The following SEZ6L2 variants were observed in gnomAD, a reference collection of about 807,000 sequenced individuals.
The protein encoded by SEZ6L2 is seizure related 6 homolog like 2.
In SEZ6L2, 44 loss-of-function variants were observed where a neutral mutation model predicts 97.0. The observed-to-expected ratio is 0.45, with a 90% CI of 0.36 to 0.58. The LOEUF (loss-of-function observed/expected upper bound fraction) is 0.58. Ranked by LOEUF, SEZ6L2 falls within the 20% of genes least tolerant of loss-of-function variation. SEZ6L2 has a pLI of 0.00. For synonymous variants in SEZ6L2, 543 were observed against 546.1 expected (o/e 0.99, Z 0.08); for missense variants, 1,086 against 1,233.3 (o/e 0.88, Z 1.79).
Position 29,895,810 on chromosome 16 carries a change from C to G in SEZ6L2, c.562G>C (p.Asp188His). 1 of 1,614,102 alleles carries G rather than the reference C, an allele frequency of 6.2e-7. No homozygotes were observed. The highest frequency in any genetic ancestry group is 8.5e-7 in the Non-Finnish European group (1 of 1,179,960). Reference sequence around the variant, plus strand: ...GTGCGGCTGACGGGGCTCCCCAGATCTGGAGACTCCACATACCCTTCGCCC... The same window carrying G: ...GTGCGGCTGACGGGGCTCCCCAGATGTGGAGACTCCACATACCCTTCGCCC... ...SEGEGYVESP[D>H]LGSPVSRTLG... The change falls in exon 4 of 18, where the codon GAT becomes CAT. Residue 188 changes from aspartate (D) to histidine (H), a missense_variant. Around this residue, in one of 2 missense-constraint regions of SEZ6L2, gnomAD observed 776 missense variants for 794.7 expected, o/e 0.98. Coordinates refer to ENST00000617533, the MANE Select transcript of SEZ6L2 (RefSeq NM_001243332.2).
At chr16:29,892,793 G>A (rs1175196297) in intron 5 of SEZ6L2, among the ~76,000 whole-genome samples, 2 of 152,244 alleles carry the variant, frequency 1.3e-5, no homozygotes, top group Admixed American at 6.5e-5. Context: ...AGACAGTGGG[G>A]TCTGGAACAG....
chr16:29,891,877 C>T (rs1296358436), intron 5 of SEZ6L2, among the ~76,000 whole-genome samples: 5 of 152,266 alleles, frequency 3.3e-5, no homozygotes, highest in Admixed American at 1.3e-4. Context: ...AAAAGAAACA[C>T]GCAAAGCACC....
chr16:29,894,823 C>A (rs760247463), intron 5 of SEZ6L2, among the ~76,000 whole-genome samples: 8 of 152,074 alleles, frequency 5.3e-5, no homozygotes, highest in Non-Finnish European at 1.0e-4. Flanking sequence ...CCCTGCCCCC[C>A]AGGGTCGCAG....
chr16:29,894,163 G>A (rs1171490390), intron 5 of SEZ6L2, among the ~76,000 whole-genome samples: 1 of 152,162 alleles, frequency 6.6e-6, no homozygotes, highest in Non-Finnish European at 1.5e-5. Flanking sequence ...GAGCCACCAC[G>A]CCAGGCCACA....
At position 29,897,960 on chromosome 16, in the gene SEZ6L2, A is replaced by G; in HGVS notation, c.104T>C (p.Ile35Thr). 1.2e-6 allele frequency: 2 copies of G among 1,613,352 alleles called. No individual in the cohort carries two copies. Among genetic ancestry groups the G allele is most frequent in the South Asian group, 2.2e-5 (2 of 90,984 alleles). Reference sequence around the variant, plus strand: ...GGTCTCACTTCCAGGCTCTGGCAATATCTCCTCCTCCTTCAGGGGCAGACC... The same window carrying G: ...GGTCTCACTTCCAGGCTCTGGCAATGTCTCCTCCTCCTTCAGGGGCAGACC... ...IQGLPLKEEE[I>T]LPEPGSETPT... Residue 35 changes from isoleucine to threonine, a missense_variant, in exon 2 of 18, where the codon ATA (isoleucine) becomes ACA (threonine). By Grantham distance (89) the Ile-to-Thr change is moderately conservative. Transcript: ENST00000617533.
intron 6 of SEZ6L2, 22 bp from the exon 7 acceptor site, chr16:29,887,839 G>T: frequency 6.2e-7 from 1 of 1,612,264 alleles, no homozygotes; most frequent in Non-Finnish European, 8.5e-7. Flanking sequence ...GGAGGGGTAC[G>T]TTAAGGCCAG....
At position 29,873,359 on chromosome 16, in the gene SEZ6L2, T is replaced by G; in HGVS notation, c.2369A>C (p.Gln790Pro). 1 of 1,614,232 alleles carries G rather than the reference T, an allele frequency of 6.2e-7. No homozygotes were observed. The highest frequency in any genetic ancestry group is 8.5e-7 in the Non-Finnish European group (1 of 1,180,036). ...GAAGAAGCGCAGAGACTCGCCCGCC[T>G]GGTAGTGGTGCTTGTACAGCGTCTG... Reference protein sequence around the residue: ...GYQTLYKHHYQAGESLRFFCY... With the variant: ...GYQTLYKHHYPAGESLRFFCY... Residue 790 changes from glutamine to proline, a missense_variant, in exon 14 of 18, where the codon CAG (glutamine) becomes CCG (proline). This residue lies in a region of SEZ6L2 where 310 missense variants were observed against 438.6 expected (regional missense o/e 0.71). Coordinates refer to ENST00000617533, the MANE Select transcript of SEZ6L2 (RefSeq NM_001243332.2). The surrounding 1 kb of genome is among the most constrained non-coding windows in gnomAD (Gnocchi z 4.3).
rs1312964706 is a variant in SEZ6L2 at position 29,875,814 on chromosome 16, C to A, written c.2104+942G>T. Among the ~76,000 whole-genome samples, 4 of 151,986 alleles carry A rather than the reference C, an allele frequency of 2.6e-5. 1 individual carries two copies. In the South Asian group the frequency reaches 6.2e-4, roughly 24 times the overall value. On this transcript the variant is annotated intron_variant, in intron 12 of 17. Transcript: ENST00000617533. ...AGTATCTGGGATTACAGGCGTATGC[C>A]ACCATGCCCAGATAGTTTTTTATTT...
chr16:29,883,991 C>A (rs2068079820), intron 8 of SEZ6L2, among the ~76,000 whole-genome samples: 1 of 152,064 alleles, frequency 6.6e-6, no homozygotes, highest in South Asian at 2.1e-4. Context: ...TGAAATGCCT[C>A]TTCCTCCATG....
chr16:29,872,329 T>G (rs759694434), intron 16 of SEZ6L2, 46 bp from the exon 17 acceptor site: 6 of 1,599,766 alleles, frequency 3.8e-6, no homozygotes, highest in African/African-American at 1.3e-5. Flanking sequence ...GGTAAGCCCC[T>G]GAGCTCCCCT....
At chr16:29,884,141 G>A (rs1407676141) in intron 8 of SEZ6L2, among the ~76,000 whole-genome samples, 2 of 152,106 alleles carry the variant, frequency 1.3e-5, no homozygotes, top group Non-Finnish European at 1.5e-5. Flanking sequence ...GGCCACGTGA[G>A]GCAGATTAGC....
chr16:29,887,555 G>T (rs143331761), intron 7 of SEZ6L2, 94 bp downstream of exon 7: 5 of 1,212,776 alleles, frequency 4.1e-6, no homozygotes, highest in Non-Finnish European at 5.7e-6. Context: ...CTTGTGATCC[G>T]CCTGCTTCGG....
chr16:29,878,389 A>T lies in SEZ6L2; in HGVS notation c.1610T>A (p.Val537Glu). Residue 537 changes from valine to glutamate, a missense_variant, in exon 10 of 18, where the codon GTG becomes GAG. Val to Glu is a moderately radical substitution (Grantham distance 121, BLOSUM62 -2). This residue lies in a region of SEZ6L2 where 776 missense variants were observed against 794.7 expected (regional missense o/e 0.98). Transcript: ENST00000617533. ...CTGGGGCCAGTCGGGAGAGAGGACC[A>T]CGCCAGCTGGTTCCGACAGCTCCCC... ...CGGELSEPAG[V>E]VLSPDWPQSY... 1 of 1,607,086 alleles carries T rather than the reference A, an allele frequency of 6.2e-7. No individual in the cohort carries two copies. The highest frequency in any genetic ancestry group is 8.5e-7 in the Non-Finnish European group (1 of 1,175,930).
intron 8 of SEZ6L2, among the ~76,000 whole-genome samples, chr16:29,884,883 AGCCTGG>A (rs1379597188): frequency 6.6e-6 from 1 of 151,430 alleles, no homozygotes; most frequent in Non-Finnish European, 1.5e-5. Flanking sequence ...ATTGCACCCC[AGCCTGG>A]GCAACAAGAG....
Position 29,899,010 on chromosome 16 carries a change from G to T in SEZ6L2, c.10C>A (p.Pro4Thr), listed in dbSNP as rs1472484271. The change falls in exon 1 of 18, where the codon CCC becomes ACC. Residue 4 changes from proline to threonine, a missense_variant. Pro to Thr is a conservative substitution (Grantham distance 38, BLOSUM62 -1). This residue lies in a region of SEZ6L2 where 776 missense variants were observed against 794.7 expected (regional missense o/e 0.98). Transcript: ENST00000617533. MGT[P>T]RAQHPPPPQL... ...GGAGGCGGCGGGTGCTGGGCCCTGG[G>T]AGTCCCCATGGCGACTCACCCCGAT... 2.5e-6 allele frequency: 4 copies of T among 1,609,956 alleles called. No individual in the cohort carries two copies. The highest frequency in any genetic ancestry group is 1.7e-4 in the Middle Eastern group (1 of 6,054).
chr16:29,897,486 A>T (rs756343482), intron 2 of SEZ6L2, among the ~76,000 whole-genome samples: 21 of 151,366 alleles, frequency 1.4e-4, no homozygotes, highest in Non-Finnish European at 3.1e-4. Flanking sequence ...TTCCCTGTTT[A>T]GTATTCTGAT....
chr16:29,887,138 G>C (rs1448618606), intron 7 of SEZ6L2, among the ~76,000 whole-genome samples: 1 of 148,042 alleles, frequency 6.8e-6, no homozygotes, highest in African/African-American at 2.5e-5. Context: ...CCAAGACTGC[G>C]GCACTGCACT....
At chr16:29,895,178 CAAAA>C (rs55954869) in intron 5 of SEZ6L2, 77 bp downstream of exon 5, 11,767 of 550,408 alleles carry the variant, frequency 0.021, no homozygotes, top group Middle Eastern at 0.026. Flanking sequence ...GACTCTGTCT[CAAAA>C]AAAAAAAAAA....
At chr16:29,877,731 T>C (rs1012315241) in intron 10 of SEZ6L2, among the ~76,000 whole-genome samples, 1 of 152,188 alleles carries the variant, frequency 6.6e-6, no homozygotes, top group African/African-American at 2.4e-5. Flanking sequence ...CTCCGCCCAC[T>C]GTCCACTCCC....
Sources: allele counts gnomAD v4.1 joint callset (sites outside exome capture counted in the v4.1 genomes callset), GRCh38; gene constraint gnomAD v4.1.1; regional missense constraint gnomAD v4.1.1; non-coding constraint Gnocchi (gnomAD v3.1); transcripts MANE v1.5; gene names NCBI Gene and HGNC (gene_info 2026-07-23, HGNC 2026-07-21).